The following HEATR5B variants were observed in gnomAD, a reference collection of about 807,000 sequenced individuals.
HEATR5B encodes the protein HEAT repeat-containing protein 5B.
Under a neutral mutation model 224.1 loss-of-function variants are expected in HEATR5B, and 156 were observed. The ratio of observed to expected loss-of-function variants is 0.70; its 90% confidence interval spans 0.61 to 0.80. The LOEUF is 0.80. HEATR5B is among the 30% of genes least tolerant of loss of function. The pLI is 0.00. For missense variants in HEATR5B, 2,323 were observed against 2,535.5 expected, an observed-to-expected ratio of 0.92 and a Z score of 1.80; for synonymous variants, 1,027 against 893.0, an observed-to-expected ratio of 1.15 and a Z score of -2.68.
intron 24 of HEATR5B, among the ~76,000 whole-genome samples, chr2:37,022,428 C>T (rs1572827214): frequency 1.3e-5 from 2 of 152,180 alleles, no homozygotes; most frequent in South Asian, 2.1e-4. Context: ...TCGCCCACCT[C>T]GGCCTCCCAA....
At chr2:37,017,721 C>G (rs1345836991) in intron 26 of HEATR5B, among the ~76,000 whole-genome samples, 2 of 137,180 alleles carry the variant, frequency 1.5e-5, no homozygotes, top group Non-Finnish European at 3.1e-5. Flanking sequence ...GAATCTGAAA[C>G]TAGAATCACA....
intron 35 of HEATR5B, among the ~76,000 whole-genome samples, chr2:36,986,425 TC>T (rs1244913996): frequency 6.6e-6 from 1 of 152,222 alleles, no homozygotes; most frequent in African/African-American, 2.4e-5. Context: ...TCCTCTGCAT[TC>T]TTTTCTTCTA....
intron 34 of HEATR5B, among the ~76,000 whole-genome samples, chr2:36,989,272 G>C (rs899026990): frequency 6.6e-5 from 10 of 152,122 alleles, no homozygotes; most frequent in African/African-American, 2.4e-4. Context: ...TTTTAGTAGA[G>C]ACGGGGTTTC....
intron 18 of HEATR5B, among the ~76,000 whole-genome samples, chr2:37,043,638 C>A (rs1254710510): frequency 1.3e-5 from 2 of 152,222 alleles, no homozygotes; most frequent in South Asian, 4.1e-4. Flanking sequence ...AAAGGGTGCT[C>A]ATTTTTCTTC....
chr2:36,994,035 T>C (rs1228829930), intron 33 of HEATR5B, among the ~76,000 whole-genome samples: 1 of 152,182 alleles, frequency 6.6e-6, no homozygotes, highest in African/African-American at 2.4e-5. Context: ...TTGGTAATTC[T>C]TCTGTGGTTA....
chr2:37,027,420 A>G (rs1031637037), intron 24 of HEATR5B, among the ~76,000 whole-genome samples: 2 of 152,232 alleles, frequency 1.3e-5, no homozygotes, highest in East Asian at 1.9e-4. Flanking sequence ...ATAAAAAATA[A>G]TAAGATAAAA....
chr2:37,079,197 T>C lies in HEATR5B; in HGVS notation c.261A>G (p.Thr87=), dbSNP rs6758981. 78,614 of 1,609,804 alleles carry C rather than the reference T, an allele frequency of 0.049. 2,191 individuals carry two copies. Among genetic ancestry groups the C allele is most frequent in the Middle Eastern group, 0.059 (356 of 6,022 alleles). ...AALYSIGDTF[T]VFQTLDKCND... ...TGCATTTATCAAGTGTCTGAAAAAC[T>C]GTGAAAGTATCCCCAATGCTATAAA... Residue 87 remains threonine (T), a synonymous_variant, in exon 3 of 36, where the codon ACA becomes ACG. Coordinates refer to ENST00000233099, the MANE Select transcript of HEATR5B (RefSeq NM_019024.3).
At chr2:37,071,439 C>T (rs1671899608) in intron 6 of HEATR5B, among the ~76,000 whole-genome samples, 1 of 151,996 alleles carries the variant, frequency 6.6e-6, no homozygotes, top group African/African-American at 2.4e-5. Flanking sequence ...TAATGATAAT[C>T]AAGAAAAATT....
At chr2:36,988,389 A>C (rs1208764930) in intron 35 of HEATR5B, among the ~76,000 whole-genome samples, 5 of 151,960 alleles carry the variant, frequency 3.3e-5, no homozygotes, top group African/African-American at 1.2e-4. Context: ...CAGCCTCCCA[A>C]GTAGCTGGGA....
rs200271317 is a variant in HEATR5B at position 37,027,997 on chromosome 2, T to C, written c.3779A>G (p.Asn1260Ser). The change falls in exon 24 of 36, where the codon AAT becomes AGT. Residue 1260 changes from asparagine (N) to serine (S), a missense_variant. Asn to Ser is a conservative substitution (Grantham distance 46). Around this residue, in one of 12 missense-constraint regions of HEATR5B, gnomAD observed 339 missense variants for 378.4 expected, o/e 0.90. Coordinates refer to ENST00000233099, the MANE Select transcript of HEATR5B (RefSeq NM_019024.3). ...AGCCTGGTCTGCATTCTCACACAAA[T>C]TGATGATTCGACACAGGCAATCGGC... ...FAADCLCRII[N>S]LCENADQAHF... The C allele has an allele frequency of 8.7e-6, 14 of 1,614,164 alleles. No homozygotes were observed. The East Asian group carries it at 8.9e-5, about 10-fold the overall frequency.
intron 27 of HEATR5B, among the ~76,000 whole-genome samples, chr2:37,011,783 C>A (rs1397149415): frequency 6.6e-6 from 1 of 152,138 alleles, no homozygotes; most frequent in South Asian, 2.1e-4. Context: ...CTTTCGAAGA[C>A]AAAAGATATT....
intron 33 of HEATR5B, among the ~76,000 whole-genome samples, chr2:36,999,874 T>C (rs1009036633): frequency 6.6e-6 from 1 of 150,894 alleles, no homozygotes; most frequent in Admixed American, 6.6e-5. Flanking sequence ...TAACCGGGTG[T>C]GTTGGCAGGC....
At chr2:37,024,804 A>C (rs950320812) in intron 24 of HEATR5B, among the ~76,000 whole-genome samples, 1 of 152,236 alleles carries the variant, frequency 6.6e-6, no homozygotes, top group African/African-American at 2.4e-5. Flanking sequence ...AAATCTAGGT[A>C]ATTGTTTCTG....
At chr2:37,040,235 C>G in intron 20 of HEATR5B, 94 bp downstream of exon 20, 1 of 1,035,030 alleles carries the variant, frequency 9.7e-7, no homozygotes, top group East Asian at 2.4e-5. Flanking sequence ...ATTGTTATTA[C>G]AAAATTTCTT....
intron 18 of HEATR5B, among the ~76,000 whole-genome samples, chr2:37,049,398 T>C (rs1670396699): frequency 6.6e-6 from 1 of 152,198 alleles, no homozygotes. Context: ...ATTAACATTT[T>C]TCTTGATTTC....
intron 1 of HEATR5B, among the ~76,000 whole-genome samples, chr2:37,083,898 T>A (rs1206997107): frequency 1.3e-5 from 2 of 152,114 alleles, no homozygotes; most frequent in African/African-American, 4.8e-5. Flanking sequence ...AGCACAGACA[T>A]CCCGAACTGC....
At chr2:37,036,631 C>T (rs762752882) in intron 21 of HEATR5B, among the ~76,000 whole-genome samples, 7 of 152,000 alleles carry the variant, frequency 4.6e-5, no homozygotes, top group Admixed American at 2.6e-4. Context: ...CCTGCTTCAG[C>T]CTCCCGAGTA....
At chr2:37,058,376 T>G in intron 14 of HEATR5B, 75 bp downstream of exon 14, 1 of 844,678 alleles carries the variant, frequency 1.2e-6, no homozygotes, top group Non-Finnish European at 2.0e-6. Flanking sequence ...TGGGAGAGCC[T>G]TTGTCAAGAC....
chr2:37,048,943 T>C (rs1670367358), intron 18 of HEATR5B, among the ~76,000 whole-genome samples: 1 of 152,236 alleles, frequency 6.6e-6, no homozygotes, highest in Non-Finnish European at 1.5e-5. Context: ...CATGACATAG[T>C]TTGCTATATT....
Sources: gnomAD v4.1 joint callset for allele counts (sites outside exome capture counted in the v4.1 genomes callset) on GRCh38, gnomAD v4.1.1 for gene constraint, gnomAD v4.1.1 regional missense constraint, MANE v1.5 for transcripts, NCBI Gene and HGNC (gene_info 2026-07-23, HGNC 2026-07-21) for gene names.